SLC35G2: variants seen among roughly 807,000 people sequenced by gnomAD.
The protein encoded by SLC35G2 is transmembrane protein 22.
In SLC35G2, 20 loss-of-function variants were observed where a neutral mutation model predicts 27.2. The observed-to-expected ratio is 0.74, with a 90% confidence interval of 0.52 to 1.07. SLC35G2 has a LOEUF of 1.07. Ranked by LOEUF, SLC35G2 falls within the 50% of genes least tolerant of loss-of-function variation. The pLI, the probability that SLC35G2 is intolerant of heterozygous loss-of-function variation, is 0.00. For synonymous variants in SLC35G2, 148 were observed against 165.3 expected (o/e 0.90, Z 0.80); for missense variants, 416 against 493.3 (o/e 0.84, Z 1.48).
At chr3:136,846,375 G>A (rs1937378110) in intron 1 of SLC35G2, among the ~76,000 whole-genome samples, 2 of 152,192 alleles carry the variant, frequency 1.3e-5, no homozygotes. Context: ...ACACCAAACT[G>A]TGCATACTTT....
chr3:136,849,577 C>T (rs577719777), intron 1 of SLC35G2, among the ~76,000 whole-genome samples: 247 of 151,848 alleles, frequency 1.6e-3, no homozygotes, highest in Middle Eastern at 0.01. Flanking sequence ...CTGCAACCTC[C>T]GCCTCCTGGG....
At chr3:136,840,036 A>C (rs1388766631) in intron 1 of SLC35G2, among the ~76,000 whole-genome samples, 1 of 152,096 alleles carries the variant, frequency 6.6e-6, no homozygotes, top group Non-Finnish European at 1.5e-5. Flanking sequence ...TTTAAATCAC[A>C]TTCTACCTTG....
intron 1 of SLC35G2, among the ~76,000 whole-genome samples, chr3:136,839,791 G>C (rs1427608350): frequency 6.6e-6 from 1 of 152,098 alleles, no homozygotes; most frequent in Non-Finnish European, 1.5e-5. Context: ...TTCTGCTTTA[G>C]AACTGTCAGT....
chr3:136,848,864 A>G (rs564648250), intron 1 of SLC35G2, among the ~76,000 whole-genome samples: 10 of 152,276 alleles, frequency 6.6e-5, no homozygotes, highest in African/African-American at 2.4e-4. Flanking sequence ...GATACACCAG[A>G]ATCCTAAACC....
intron 1 of SLC35G2, among the ~76,000 whole-genome samples, chr3:136,826,472 A>G (rs1257766570): frequency 6.6e-6 from 1 of 152,108 alleles, no homozygotes; most frequent in Non-Finnish European, 1.5e-5. Flanking sequence ...CTAGGTTTCA[A>G]ATTTCTTCAT....
chr3:136,851,341 C>CA, intron 1 of SLC35G2, among the ~76,000 whole-genome samples: 1 of 150,652 alleles, frequency 6.6e-6, no homozygotes, highest in Non-Finnish European at 1.5e-5. Context: ...AAAAAAAATA[C>CA]AAAAAATTAG....
At chr3:136,844,820 AAAGAAAAC>A (rs1317908816) in intron 1 of SLC35G2, among the ~76,000 whole-genome samples, 20 of 151,030 alleles carry the variant, frequency 1.3e-4, no homozygotes, top group African/African-American at 4.9e-4. Flanking sequence ...AAAAAAAAAA[AAAGAAAAC>A]AAGACAAAAC....
At chr3:136,853,837 G>C (rs62410393) in intron 1 of SLC35G2, among the ~76,000 whole-genome samples, 589 of 152,230 alleles carry the variant, frequency 3.9e-3, no homozygotes, top group Middle Eastern at 0.014. Flanking sequence ...AACTGTTCAC[G>C]AGAGAGGTTG....
intron 1 of SLC35G2, among the ~76,000 whole-genome samples, chr3:136,824,128 G>A (rs533261705): frequency 6.6e-6 from 1 of 152,232 alleles, no homozygotes; most frequent in Admixed American, 6.5e-5. Flanking sequence ...CTATAGCTCT[G>A]TAGTATAATT....
chr3:136,832,098 C>G (rs1216369899), intron 1 of SLC35G2, among the ~76,000 whole-genome samples: 6 of 151,944 alleles, frequency 3.9e-5, no homozygotes, highest in African/African-American at 1.5e-4. Flanking sequence ...ACTGCAAGCT[C>G]TGCCTCCCGG....
intron 1 of SLC35G2, among the ~76,000 whole-genome samples, chr3:136,825,491 C>T (rs1237141259): frequency 6.6e-6 from 1 of 152,108 alleles, no homozygotes; most frequent in African/African-American, 2.4e-5. Context: ...GACCCGCCCC[C>T]TCAGCCTCCC....
intron 1 of SLC35G2, chr3:136,838,847 T>C (rs1393041480): frequency 6.6e-6 from 1 of 152,224 alleles, no homozygotes; most frequent in South Asian, 2.1e-4. Flanking sequence ...GCTCTGATGA[T>C]CTCTCAAGAG....
At chr3:136,826,076 G>A (rs554046657) in intron 1 of SLC35G2, among the ~76,000 whole-genome samples, 25 of 149,806 alleles carry the variant, frequency 1.7e-4, no homozygotes, top group African/African-American at 6.1e-4. Flanking sequence ...TCACACTGTC[G>A]CCCAGCCTGG....
chr3:136,855,254 G>A lies in SLC35G2; in HGVS notation c.794G>A (p.Gly265Glu). 6.2e-7 allele frequency: 1 copy of A among 1,614,190 alleles called. No homozygotes were observed. Among genetic ancestry groups the A allele is most frequent in the Non-Finnish European group, 8.5e-7 (1 of 1,180,030 alleles). The change falls in exon 2 of 2, where the codon GGA (glycine) becomes GAA (glutamate). Residue 265 changes from glycine to glutamate, a missense_variant. Coordinates refer to ENST00000446465, the MANE Select transcript of SLC35G2 (RefSeq NM_025246.3). ...AFGYTMTVMA[G>E]LTTALSMIVY... The stretch of plus-strand genomic sequence containing the variant: ...GGGTACACCATGACTGTGATGGCTG[G>A]ACTGACCACTGCTCTCTCAATGATA...
intron 1 of SLC35G2, among the ~76,000 whole-genome samples, chr3:136,835,225 CTCTTTAA>C (rs1415808236): frequency 6.6e-6 from 1 of 151,560 alleles, no homozygotes; most frequent in African/African-American, 2.4e-5. Flanking sequence ...GTTGTTATGT[CTCTTTAA>C]TCTTTAATTT....
At chr3:136,830,620 T>C (rs1440895606) in intron 1 of SLC35G2, among the ~76,000 whole-genome samples, 1 of 151,918 alleles carries the variant, frequency 6.6e-6, no homozygotes, top group South Asian at 2.1e-4. Flanking sequence ...AGTTTCACCA[T>C]GTTGGCCAGG....
chr3:136,855,211 G>A lies in SLC35G2; in HGVS notation c.751G>A (p.Ala251Thr). The A allele has an allele frequency of 6.2e-7, 1 of 1,614,146 alleles. No homozygotes were observed. The highest frequency in any genetic ancestry group is 8.5e-7 in the Non-Finnish European group (1 of 1,180,010). ...IVDEDNSLLN[A>T]WKEAFGYTMT... Reference sequence around the variant, plus strand: ...TGATGAAGACAATTCTTTGTTAAATGCCTGGAAAGAAGCCTTTGGGTACAC... The same window carrying A: ...TGATGAAGACAATTCTTTGTTAAATACCTGGAAAGAAGCCTTTGGGTACAC... Residue 251 changes from alanine to threonine, a missense_variant, in exon 2 of 2, where the codon GCC becomes ACC. Transcript: ENST00000446465.
At position 136,854,622 on chromosome 3, in the gene SLC35G2, GA is replaced by G; in HGVS notation, c.165del (p.Gly56ValfsTer3). 1 of 1,612,786 alleles carries G rather than the reference GA, an allele frequency of 6.2e-7. No individual in the cohort carries two copies. The highest frequency in any genetic ancestry group is 8.5e-7 in the Non-Finnish European group (1 of 1,179,744). On this transcript the variant is annotated frameshift_variant, in exon 2 of 2. Transcript: ENST00000446465. LOFTEE classifies it high-confidence loss of function. Reference sequence around the variant, plus strand: ...GAAATTTTATGGAGGAAAATCCAAAGAAAGGTCTGCTGAGTGAAATGAAAAA... The same window carrying G: ...GAAATTTTATGGAGGAAAATCCAAAGAAGGTCTGCTGAGTGAAATGAAAAA... ...YGNFMEENPKKGLLSEMKKKG... is the reference protein window; with the variant it reads ...YGNFMEENPKXGLLSEMKKKG...
At chr3:136,826,397 A>G (rs1936587459) in intron 1 of SLC35G2, among the ~76,000 whole-genome samples, 2 of 152,134 alleles carry the variant, frequency 1.3e-5, no homozygotes, top group South Asian at 4.1e-4. Flanking sequence ...AGGATACAAA[A>G]TCAACATACA....
Sources: allele counts gnomAD v4.1 joint callset (sites outside exome capture counted in the v4.1 genomes callset), GRCh38; gene constraint gnomAD v4.1.1; transcripts MANE v1.5; gene names NCBI Gene and HGNC (gene_info 2026-07-23, HGNC 2026-07-21).